Variants in TMEM132B observed in about 807,000 individuals in gnomAD.
The protein encoded by TMEM132B is transmembrane protein 132B.
A neutral mutation model predicts 90.8 loss-of-function variants in TMEM132B; 18 were observed. The ratio of observed to expected loss-of-function variants is 0.20; its 90% CI spans 0.14 to 0.29. The LOEUF is 0.29. Ranked by LOEUF, TMEM132B falls within the 10% of genes least tolerant of loss-of-function variation. The pLI is 1.00. For synonymous variants in TMEM132B, 504 were observed against 523.3 expected (o/e 0.96, Z 0.50); for missense variants, 1,096 against 1,326.8 (o/e 0.83, Z 2.70).
chr12:125,473,972 T>C (rs1394446751), intron 3 of TMEM132B, among the ~76,000 whole-genome samples: 1 of 151,914 alleles, frequency 6.6e-6, no homozygotes, highest in Non-Finnish European at 1.5e-5. Context: ...AAAATAGCAA[T>C]GTGTTTTTTT....
chr12:125,600,310 C>T (rs1885540043), intron 5 of TMEM132B, among the ~76,000 whole-genome samples: 1 of 152,122 alleles, frequency 6.6e-6, no homozygotes, highest in South Asian at 2.1e-4. Flanking sequence ...ATCACAAGTC[C>T]ACTCTTTCCT....
chr12:125,253,826 C>G (rs1045015258), intron 1 of TMEM132B, among the ~76,000 whole-genome samples: 2 of 152,154 alleles, frequency 1.3e-5, no homozygotes, highest in Admixed American at 1.3e-4. Context: ...ATAATATGCT[C>G]AAGGTCACCC....
chr12:125,189,567 T>C (rs933892750), intron 1 of TMEM132B, among the ~76,000 whole-genome samples: 5 of 151,690 alleles, frequency 3.3e-5, no homozygotes, highest in African/African-American at 9.7e-5. Flanking sequence ...TTCAGAGAGG[T>C]GGCATTGGGA....
chr12:125,423,110 AGT>A (rs1880215804), intron 3 of TMEM132B, among the ~76,000 whole-genome samples: 1 of 152,170 alleles, frequency 6.6e-6, no homozygotes, highest in Non-Finnish European at 1.5e-5. Flanking sequence ...TTTGAAGAAA[AGT>A]CTCCAGGTGA....
At chr12:125,342,307 T>C (rs972646780) in intron 1 of TMEM132B, among the ~76,000 whole-genome samples, 1 of 152,222 alleles carries the variant, frequency 6.6e-6, no homozygotes, top group African/African-American at 2.4e-5. Context: ...GTGCAATTCA[T>C]AGAGCCAGTT....
At chr12:125,559,854 G>A (rs1325492287) in intron 4 of TMEM132B, among the ~76,000 whole-genome samples, 2 of 152,144 alleles carry the variant, frequency 1.3e-5, no homozygotes, top group African/African-American at 4.8e-5. Context: ...ATGAGGCGGT[G>A]GCTGAATTCA....
intron 4 of TMEM132B, among the ~76,000 whole-genome samples, chr12:125,526,771 GGTA>G (rs1441823875): frequency 6.6e-6 from 1 of 152,142 alleles, no homozygotes; most frequent in Non-Finnish European, 1.5e-5. Flanking sequence ...TGGGGGCTGA[GGTA>G]GTAGCCAAGC....
intron 1 of TMEM132B, among the ~76,000 whole-genome samples, chr12:125,231,015 T>G (rs1403586640): frequency 1.3e-5 from 2 of 152,064 alleles, no homozygotes; most frequent in Admixed American, 1.3e-4. Flanking sequence ...AAACAGAAAT[T>G]TATTATTTTG....
Position 125,287,012 on chromosome 12 carries a change from C to CTTT in TMEM132B, c.68-62427_68-62425dup, listed in dbSNP as rs34506859. On this transcript the variant is annotated intron_variant, in intron 1 of 8. Transcript: ENST00000682704. ...GCCACCAGGTCTGGCCAGAATTCCTCTTTTTTTTTTTTTTTCAGCTTTCTG... is the reference window on the plus strand; with the variant it reads ...GCCACCAGGTCTGGCCAGAATTCCTCTTTTTTTTTTTTTTTTTTCAGCTTTCTG... Among the ~76,000 whole-genome samples the CTTT allele has an allele frequency of 4.0e-3, 565 of 142,510 alleles. 4 individuals are homozygous for CTTT. Among genetic ancestry groups the CTTT allele is most frequent in the African/African-American group, 7.6e-3 (294 of 38,574 alleles). 93.5% of individuals were successfully genotyped at this position (142,510 alleles called of 152,430 possible).
At chr12:125,224,905 A>G (rs909982164) in intron 1 of TMEM132B, among the ~76,000 whole-genome samples, 3 of 152,172 alleles carry the variant, frequency 2.0e-5, no homozygotes, top group African/African-American at 7.2e-5. Context: ...TAAACATGCA[A>G]ACACACACAC....
chr12:125,513,018 C>T lies in TMEM132B; in HGVS notation c.1107-6421C>T, dbSNP rs372256968. Among the ~76,000 whole-genome samples the T allele has an allele frequency of 1.1e-3, 162 of 152,322 alleles. 2 individuals are homozygous for T. The South Asian group carries it at 0.016, about 15-fold the overall frequency. ...AAACGGGGGTGATGAGGGGACCCCA[C>T]GCAGTGGGGCTGTGGCAGCTGCCTG... On this transcript the variant is annotated intron_variant, in intron 3 of 8. Transcript: ENST00000682704.
intron 4 of TMEM132B, among the ~76,000 whole-genome samples, chr12:125,563,183 AT>A (rs1884578629): frequency 6.8e-6 from 1 of 147,046 alleles, no homozygotes; most frequent in Non-Finnish European, 1.5e-5. Flanking sequence ...AATAATAATA[AT>A]AATAAAAGTT....
chr12:125,498,186 G>C lies in TMEM132B; in HGVS notation c.1107-21253G>C, dbSNP rs533025571. Among the ~76,000 whole-genome samples, 2 of 152,318 alleles carry C rather than the reference G, an allele frequency of 1.3e-5. No individual in the cohort carries two copies. Among genetic ancestry groups the C allele is most frequent in the East Asian group, 3.9e-4 (2 of 5,190 alleles). ...CTAGAGGCATCCTCTGGTTCTCTGAGGGTGTATATTTCTATGTCCTGGTCA... is the reference window on the plus strand; with the variant it reads ...CTAGAGGCATCCTCTGGTTCTCTGACGGTGTATATTTCTATGTCCTGGTCA... On this transcript the variant is annotated intron_variant, in intron 3 of 8. Coordinates refer to ENST00000682704, the MANE Select transcript of TMEM132B (RefSeq NM_001366854.1). This position sits in a 1 kb window ranked among gnomAD's most constrained non-coding sequence, Gnocchi z 4.5.
intron 4 of TMEM132B, among the ~76,000 whole-genome samples, chr12:125,552,557 C>T (rs181548811): frequency 2.0e-5 from 3 of 152,274 alleles, no homozygotes; most frequent in East Asian, 3.9e-4. Context: ...ACCCAAAAGT[C>T]GCCTTGCAAA....
chr12:125,481,285 G>GTAT (rs1185337328), intron 3 of TMEM132B, among the ~76,000 whole-genome samples: 1 of 152,168 alleles, frequency 6.6e-6, no homozygotes, highest in Non-Finnish European at 1.5e-5. Context: ...GAAAGAAAGG[G>GTAT]TATTCAATTA....
chr12:125,250,372 C>T (rs1459670279), intron 1 of TMEM132B, among the ~76,000 whole-genome samples: 1 of 152,220 alleles, frequency 6.6e-6, no homozygotes, highest in African/African-American at 2.4e-5. Context: ...CTTGCTGTTC[C>T]ATCTTGCACA....
Position 125,571,865 on chromosome 12 carries a change from T to C in TMEM132B, c.1294-11986T>C, listed in dbSNP as rs953814773. Among the ~76,000 whole-genome samples, 4 of 152,234 alleles carry C rather than the reference T, an allele frequency of 2.6e-5. No individual in the cohort carries two copies. The South Asian group carries it at 8.3e-4, about 32-fold the overall frequency. On this transcript the variant is annotated intron_variant, in intron 4 of 8. Coordinates refer to ENST00000682704, the MANE Select transcript of TMEM132B (RefSeq NM_001366854.1). Reference sequence around the variant, plus strand: ...GGAAATGAATGTCAATGCAAAGTGTTATCTTGTTCCCAGACCATATTCAAA... The same window carrying C: ...GGAAATGAATGTCAATGCAAAGTGTCATCTTGTTCCCAGACCATATTCAAA...
chr12:125,482,953 G>A (rs1019204117), intron 3 of TMEM132B, among the ~76,000 whole-genome samples: 57 of 152,268 alleles, frequency 3.7e-4, no homozygotes, highest in African/African-American at 1.3e-3. Context: ...TAGCAACATG[G>A]ATGAAGCTGG....
At chr12:125,530,076 C>T (rs1399425179) in intron 4 of TMEM132B, among the ~76,000 whole-genome samples, 3 of 152,086 alleles carry the variant, frequency 2.0e-5, no homozygotes, top group Admixed American at 6.6e-5. Context: ...ATCCTTGGTA[C>T]GGCTTTATGT....
Sources: allele counts gnomAD v4.1 joint callset (sites outside exome capture counted in the v4.1 genomes callset), GRCh38; gene constraint gnomAD v4.1.1; non-coding constraint Gnocchi (gnomAD v3.1); transcripts MANE v1.5; gene names NCBI Gene and HGNC (gene_info 2026-07-23, HGNC 2026-07-21).